Variants in SLC25A21 observed in about 807,000 individuals in gnomAD.
SLC25A21 encodes mitochondrial 2-oxodicarboxylate carrier.
A neutral mutation model predicts 43.8 loss-of-function variants in SLC25A21; 47 were observed. The observed-to-expected ratio is 1.07, with a 90% confidence interval of 0.85 to 1.37. SLC25A21 has a LOEUF of 1.37. Ranked by LOEUF, SLC25A21 falls within the 40% of genes most tolerant of loss-of-function variation. The pLI, the probability that SLC25A21 is intolerant of heterozygous loss-of-function variation, is 0.00. For missense variants in SLC25A21, 352 were observed against 350.2 expected (o/e 1.00, Z -0.04); for synonymous variants, 131 against 121.3 (o/e 1.08, Z -0.52).
At chr14:36,773,829 T>C (rs116969887) in intron 3 of SLC25A21, among the ~76,000 whole-genome samples, 2,399 of 152,298 alleles carry the variant, frequency 0.016, 37 homozygotes, top group Middle Eastern at 0.075. Context: ...CTCTTGCCCA[T>C]TACATCATCC....
At chr14:36,917,060 T>C (rs1274299869) in intron 1 of SLC25A21, among the ~76,000 whole-genome samples, 1 of 152,208 alleles carries the variant, frequency 6.6e-6, no homozygotes, top group Non-Finnish European at 1.5e-5. Context: ...TATTGTCAAA[T>C]GTCATGCTTT....
At chr14:36,923,037 G>A (rs546736539) in intron 1 of SLC25A21, among the ~76,000 whole-genome samples, 1 of 152,074 alleles carries the variant, frequency 6.6e-6, no homozygotes, top group Non-Finnish European at 1.5e-5. Flanking sequence ...GGGGAAATTA[G>A]TAGACAAGGC....
intron 3 of SLC25A21, among the ~76,000 whole-genome samples, chr14:36,808,697 G>A (rs1888128945): frequency 3.3e-5 from 5 of 152,124 alleles, no homozygotes; most frequent in Admixed American, 3.3e-4. Context: ...CAAAACATGG[G>A]CATGAGGATT....
At chr14:36,706,850 C>T (rs1883593049) in intron 7 of SLC25A21, among the ~76,000 whole-genome samples, 1 of 151,702 alleles carries the variant, frequency 6.6e-6, no homozygotes. Context: ...TGCACACATT[C>T]TGCCTCTCCC....
At chr14:37,085,902 G>A (rs949699192) in intron 1 of SLC25A21, among the ~76,000 whole-genome samples, 3 of 152,132 alleles carry the variant, frequency 2.0e-5, no homozygotes, top group African/African-American at 2.4e-5. Flanking sequence ...TCAGGAGATC[G>A]AGACCATCCT....
chr14:36,936,960 G>A (rs926466447), intron 1 of SLC25A21, among the ~76,000 whole-genome samples: 1 of 152,130 alleles, frequency 6.6e-6, no homozygotes, highest in African/African-American at 2.4e-5. Context: ...GAGCCATAAG[G>A]TCATGGCTAG....
intron 1 of SLC25A21, among the ~76,000 whole-genome samples, chr14:36,934,763 T>C (rs1892378996): frequency 6.6e-6 from 1 of 152,036 alleles, no homozygotes; most frequent in South Asian, 2.1e-4. Context: ...GCTGAGATTT[T>C]TAAAACTTTT....
chr14:36,787,612 CA>C (rs1019713959), intron 3 of SLC25A21, among the ~76,000 whole-genome samples: 27 of 151,920 alleles, frequency 1.8e-4, no homozygotes, highest in African/African-American at 2.7e-4. Context: ...TCATTTTATT[CA>C]AAAAAACTGT....
chr14:36,707,078 G>A (rs79208593), intron 7 of SLC25A21, among the ~76,000 whole-genome samples: 14,963 of 152,184 alleles, frequency 0.098, 2,496 homozygotes, highest in African/African-American at 0.34. Flanking sequence ...CACTTGGGCT[G>A]TTTTTCATTT....
chr14:37,140,190 C>T (rs1162823548), intron 1 of SLC25A21, among the ~76,000 whole-genome samples: 2 of 152,080 alleles, frequency 1.3e-5, no homozygotes, highest in Admixed American at 6.6e-5. Context: ...GCTTATATCC[C>T]GAAGTTGCTA....
At chr14:37,045,314 A>G (rs576901292) in intron 1 of SLC25A21, among the ~76,000 whole-genome samples, 1 of 152,344 alleles carries the variant, frequency 6.6e-6, no homozygotes, top group Admixed American at 6.5e-5. Context: ...AGATTTCTGG[A>G]CACTGTTATA....
chr14:37,040,422 A>G (rs934101198), intron 1 of SLC25A21, among the ~76,000 whole-genome samples: 1 of 102,384 alleles, frequency 9.8e-6, no homozygotes, highest in Non-Finnish European at 1.8e-5. Context: ...AAAGAAAGAA[A>G]GAAAGAAAGA....
intron 1 of SLC25A21, among the ~76,000 whole-genome samples, chr14:36,956,588 A>C (rs555797692): frequency 1.5e-3 from 222 of 152,240 alleles, no homozygotes; most frequent in African/African-American, 4.9e-3. Context: ...TTTTTTGACA[A>C]AGAGAGTATT....
intron 1 of SLC25A21, among the ~76,000 whole-genome samples, chr14:36,959,679 C>G (rs950055836): frequency 6.6e-6 from 1 of 152,126 alleles, no homozygotes; most frequent in Non-Finnish European, 1.5e-5. Flanking sequence ...CTCTGAATTT[C>G]CTGAATCTAG....
chr14:37,099,880 T>G (rs75961948), intron 1 of SLC25A21, among the ~76,000 whole-genome samples: 8,576 of 152,062 alleles, frequency 0.056, 822 homozygotes, highest in African/African-American at 0.2. Flanking sequence ...AACACCACAC[T>G]TACTCTTTAT....
chr14:36,870,103 GT>G (rs1890327337), intron 2 of SLC25A21, among the ~76,000 whole-genome samples: 1 of 152,154 alleles, frequency 6.6e-6, no homozygotes, highest in South Asian at 2.1e-4. Context: ...CAATGTTTGT[GT>G]ACTCAAAATA....
Position 37,171,639 on chromosome 14 carries a change from A to T in SLC25A21, c.70+642T>A, listed in dbSNP as rs1176640786. On this transcript the variant is annotated intron_variant, in intron 1 of 9. Transcript: ENST00000331299. ...TTAGTAACTTTCTCCAGCTACATTT[A>T]AAAGTATTTCTAAGATTAATTACAA... Among the ~76,000 whole-genome samples, 3 of 152,208 alleles carry T rather than the reference A, an allele frequency of 2.0e-5. No homozygotes were observed. In the East Asian group the frequency reaches 5.8e-4, roughly 29 times the overall value.
intron 1 of SLC25A21, 185 bp downstream of exon 1, chr14:37,172,096 A>C: frequency 3.3e-6 from 2 of 606,900 alleles, no homozygotes. Flanking sequence ...GGCACCCACT[A>C]CTCGCAATCA....
At chr14:36,947,476 C>T (rs1892704176) in intron 1 of SLC25A21, among the ~76,000 whole-genome samples, 1 of 152,138 alleles carries the variant, frequency 6.6e-6, no homozygotes, top group African/African-American at 2.4e-5. Flanking sequence ...TGACTCCTTT[C>T]CAGCCCTGGG....
Sources: gnomAD v4.1 joint callset for allele counts (sites outside exome capture counted in the v4.1 genomes callset) on GRCh38, gnomAD v4.1.1 for gene constraint, MANE v1.5 for transcripts, NCBI Gene and HGNC (gene_info 2026-07-23, HGNC 2026-07-21) for gene names.